Variants in CAPRIN1 observed in about 807,000 individuals in gnomAD.
CAPRIN1 encodes cell cycle associated protein 1, also known as caprin-1.
A neutral mutation model predicts 100.9 loss-of-function variants in CAPRIN1; 29 were observed. That is an observed-to-expected ratio of 0.29 (90% confidence interval 0.21 to 0.39). The LOEUF (loss-of-function observed/expected upper bound fraction) is 0.39, where lower values mean the gene tolerates loss of function less well. CAPRIN1 is among the 10% of genes least tolerant of loss of function. The pLI, the probability that CAPRIN1 is intolerant of heterozygous loss-of-function variation, is 1.00. For missense variants in CAPRIN1, 795 were observed against 876.7 expected (o/e 0.91, Z 1.18); for synonymous variants, 338 against 307.5 (o/e 1.10, Z -1.04).
chr11:34,059,133 G>C (rs1850519659), intron 2 of CAPRIN1, among the ~76,000 whole-genome samples: 1 of 152,192 alleles, frequency 6.6e-6, no homozygotes, highest in African/African-American at 2.4e-5. Context: ...GTGGGTGAAA[G>C]ATAATTTACT....
intron 9 of CAPRIN1, among the ~76,000 whole-genome samples, chr11:34,085,294 C>T (rs1851116926): frequency 6.6e-6 from 1 of 151,972 alleles, no homozygotes; most frequent in Non-Finnish European, 1.5e-5. Context: ...AAAGCTTGAT[C>T]CTATGGTGTT....
chr11:34,097,148 TC>T, intron 16 of CAPRIN1, 47 bp from the exon 17 acceptor site: 1 of 1,344,498 alleles, frequency 7.4e-7, no homozygotes, highest in Non-Finnish European at 1.1e-6. Context: ...AAGTAAAAAT[TC>T]CTTGTGAAGA....
intron 15 of CAPRIN1, among the ~76,000 whole-genome samples, chr11:34,095,175 T>C (rs2982591): frequency 0.99 from 151,062 of 152,280 alleles, 74,939 homozygotes; most frequent in East Asian, 1. Flanking sequence ...GGATTACCAG[T>C]GTGAGCCACT....
intron 2 of CAPRIN1, among the ~76,000 whole-genome samples, chr11:34,069,175 G>A (rs1409467539): frequency 1.5e-5 from 2 of 137,438 alleles, no homozygotes; most frequent in East Asian, 4.1e-4. Flanking sequence ...TTTTTAAGAT[G>A]GAGTCTCGCT....
intron 2 of CAPRIN1, among the ~76,000 whole-genome samples, chr11:34,055,352 C>T (rs547169759): frequency 1.3e-4 from 19 of 151,382 alleles, no homozygotes; most frequent in East Asian, 5.8e-4. Context: ...TGAGAAGTCT[C>T]GCTCTTGTCC....
intron 4 of CAPRIN1, among the ~76,000 whole-genome samples, chr11:34,074,472 C>G (rs948676852): frequency 1.6e-4 from 25 of 152,166 alleles, no homozygotes; most frequent in Non-Finnish European, 2.6e-4. Flanking sequence ...CACCTTTTTC[C>G]TTCTTGAACT....
rs1851219185 is a variant in CAPRIN1 at position 34,089,320 on chromosome 11, A to C, written c.1232-75A>C. 6.5e-6 allele frequency: 3 copies of C among 459,394 alleles called. No homozygotes were observed. In the South Asian group the frequency reaches 7.0e-5, roughly 11 times the overall value. The allele number at this position is 459,394 out of a possible 1,614,324, so 28.5% of individuals were successfully genotyped here. On this transcript the variant is annotated intron_variant, in intron 11 of 18. Transcript: ENST00000341394. The stretch of plus-strand genomic sequence containing the variant: ...AAAAAAAAAAAAGCCTTTAATAGCG[A>C]AATAAAAGGTATTTAGACGCGTCTC...
chr11:34,090,001 T>C (rs1255531559), intron 12 of CAPRIN1, 178 bp from the exon 13 acceptor site: 2 of 388,176 alleles, frequency 5.2e-6, no homozygotes, highest in Admixed American at 4.2e-5. Flanking sequence ...AATATATATA[T>C]TTTTGCAATT....
intron 9 of CAPRIN1, among the ~76,000 whole-genome samples, chr11:34,084,740 A>G (rs536895041): frequency 6.6e-6 from 1 of 152,346 alleles, no homozygotes; most frequent in Admixed American, 6.5e-5. Context: ...TAGGGGAGCC[A>G]GGTAATAGGG....
At chr11:34,056,426 G>A (rs1850452704) in intron 2 of CAPRIN1, 1 of 152,182 alleles carries the variant, frequency 6.6e-6, no homozygotes, top group African/African-American at 2.4e-5. Context: ...TCTTAATGTT[G>A]ATGAAATATG....
intron 4 of CAPRIN1, among the ~76,000 whole-genome samples, chr11:34,073,843 T>A (rs1351912842): frequency 6.6e-6 from 1 of 152,216 alleles, no homozygotes; most frequent in East Asian, 1.9e-4. Flanking sequence ...TGTGTTACTA[T>A]AATGGAATGC....
chr11:34,077,632 A>G (rs1185224401), intron 6 of CAPRIN1, among the ~76,000 whole-genome samples: 2 of 152,110 alleles, frequency 1.3e-5, no homozygotes, highest in South Asian at 2.1e-4. Flanking sequence ...TTAGGAAGGT[A>G]GATTTTTGAA....
chr11:34,090,630 T>C lies in CAPRIN1; in HGVS notation c.1506T>C (p.His502=), dbSNP rs567814328. The stretch of plus-strand genomic sequence containing the variant: ...AGGCTGGGACAAGCAAACCTTTACA[T>C]AGCAGTGGAATCAATGTAAATGCAG... ...VFQAGTSKPL[H]SSGINVNAAP... The change falls in exon 14 of 19, where the codon CAT becomes CAC. Residue 502 remains histidine (H), a synonymous_variant. Transcript: ENST00000341394. The C allele has an allele frequency of 6.2e-7, 1 of 1,614,026 alleles. No individual in the cohort carries two copies. Among genetic ancestry groups the C allele is most frequent in the Non-Finnish European group, 8.5e-7 (1 of 1,180,006 alleles).
intron 2 of CAPRIN1, chr11:34,053,490 G>A (rs1850379472): frequency 6.5e-6 from 1 of 152,676 alleles, no homozygotes; most frequent in Admixed American, 6.5e-5. Context: ...CGGCTGCGGG[G>A]AGAGGGAAGC....
Position 34,102,164 on chromosome 11 carries a change from C to A in CAPRIN1, c.*2797C>A, listed in dbSNP as rs1221292870. 1.3e-5 allele frequency among the ~76,000 whole-genome samples: 2 copies of A among 152,070 alleles called. No individual in the cohort carries two copies. The highest frequency in any genetic ancestry group is 2.4e-5 in the African/African-American group (1 of 41,416). On this transcript the variant is annotated 3_prime_UTR_variant, in exon 19 of 19. Transcript: ENST00000341394. ...AGCTCTTACGTGGGAGACTTTTCCA[C>A]TTAAAGGAGACATAGAATGTGTGCT...
chr11:34,095,926 A>T (rs553945950), intron 15 of CAPRIN1: 1 of 152,352 alleles, frequency 6.6e-6, no homozygotes, highest in African/African-American at 2.4e-5. Context: ...ATTTGGCATT[A>T]AGGGCTACAA....
chr11:34,090,094 C>A (rs1851233028), intron 12 of CAPRIN1, 85 bp from the exon 13 acceptor site: 1 of 687,192 alleles, frequency 1.5e-6, no homozygotes, highest in Non-Finnish European at 2.6e-6. Context: ...TATTTCTTAG[C>A]CTTATGCGTC....
At chr11:34,052,270 G>A in intron 1 of CAPRIN1, 151 bp from the exon 2 acceptor site, 3 of 634,626 alleles carry the variant, frequency 4.7e-6, no homozygotes, top group Non-Finnish European at 7.9e-6. Context: ...CACTCTTCCT[G>A]CCCTCGAGGC....
intron 4 of CAPRIN1, among the ~76,000 whole-genome samples, chr11:34,075,408 G>T (rs1850886575): frequency 1.3e-5 from 2 of 152,184 alleles, no homozygotes. Flanking sequence ...ACGGGAGAGG[G>T]AGAGGAATAA....
Sources: allele counts gnomAD v4.1 joint callset (sites outside exome capture counted in the v4.1 genomes callset), GRCh38; gene constraint gnomAD v4.1.1; transcripts MANE v1.5; gene names NCBI Gene and HGNC (gene_info 2026-07-23, HGNC 2026-07-21).